STK10: variants seen among roughly 807,000 people sequenced by gnomAD.
STK10 encodes serine/threonine kinase 10.
Under a neutral mutation model 113.8 loss-of-function variants are expected in STK10, and 78 were observed. That is an observed-to-expected ratio of 0.69 (90% CI 0.57 to 0.83). STK10 has a LOEUF of 0.83. Among genes scored for constraint, STK10 ranks in the 40% least tolerant of loss-of-function variants. STK10 has a pLI of 0.00. For missense variants in STK10, 1,109 were observed against 1,280.1 expected, an observed-to-expected ratio of 0.87 and a Z score of 2.04; for synonymous variants, 465 against 494.7, an observed-to-expected ratio of 0.94 and a Z score of 0.80.
At chr5:172,161,849 C>T (rs1470283426) in intron 1 of STK10, among the ~76,000 whole-genome samples, 1 of 152,152 alleles carries the variant, frequency 6.6e-6, no homozygotes, top group Non-Finnish European at 1.5e-5. Context: ...GGTGTGCACA[C>T]TCTTGGTGGC....
intron 9 of STK10, among the ~76,000 whole-genome samples, chr5:172,090,678 T>G (rs912623780): frequency 6.6e-6 from 1 of 152,052 alleles, no homozygotes; most frequent in South Asian, 2.1e-4. Flanking sequence ...GGCTTACGCT[T>G]GTAATCCCAG....
intron 3 of STK10, among the ~76,000 whole-genome samples, chr5:172,118,010 CAAA>C (rs57672334): frequency 5.7e-5 from 4 of 69,816 alleles, no homozygotes; most frequent in Admixed American, 1.7e-4. Context: ...TACTCCATCT[CAAA>C]AAAAAAAAAA....
chr5:172,072,099 C>A (rs1025236569), intron 12 of STK10, among the ~76,000 whole-genome samples: 1 of 151,976 alleles, frequency 6.6e-6, no homozygotes, highest in Non-Finnish European at 1.5e-5. Context: ...AAAGCTGATG[C>A]AATATTTTAA....
intron 2 of STK10, among the ~76,000 whole-genome samples, chr5:172,142,189 T>C (rs872305): frequency 0.53 from 79,834 of 151,926 alleles, 21,836 homozygotes; most frequent in African/African-American, 0.69. Context: ...TATTTGCCTT[T>C]TTGGCCCAGT....
rs1377656193 is a variant in STK10, at chr5:172,185,517, T to A, written c.156+2370A>T. Reference sequence around the variant, plus strand: ...TTCCTGACCTCATGATCTGCCTGCTTCAGCCTCCCAAAGTGCTAGGATTAC... The same window carrying A: ...TTCCTGACCTCATGATCTGCCTGCTACAGCCTCCCAAAGTGCTAGGATTAC... On this transcript the variant is annotated intron_variant, in intron 1 of 18. Coordinates refer to ENST00000176763, the MANE Select transcript of STK10 (RefSeq NM_005990.4). 3.9e-5 allele frequency among the ~76,000 whole-genome samples: 6 copies of A among 152,170 alleles called. No individual in the cohort carries two copies. In the East Asian group the frequency reaches 1.2e-3, roughly 29 times the overall value.
chr5:172,106,751 G>A lies in STK10; in HGVS notation c.657C>T (p.Asp219=), dbSNP rs776360082. 18 of 1,614,212 alleles carry A rather than the reference G, an allele frequency of 1.1e-5. No homozygotes were observed. In the Admixed American group the frequency reaches 2.8e-4, roughly 25 times the overall value. ...TCAGCGTGATGCCCAGGGACCAGAT[G>A]TCGGCTTTGTAGTCGTAGGGCGTGT... ...MKDTPYDYKA[D]IWSLGITLIE... The change falls in exon 6 of 19, where the codon GAC becomes GAT. Residue 219 remains aspartate (D), a synonymous_variant. Coordinates refer to ENST00000176763, the MANE Select transcript of STK10 (RefSeq NM_005990.4).
chr5:172,178,974 T>G (rs916742730), intron 1 of STK10, among the ~76,000 whole-genome samples: 1 of 151,902 alleles, frequency 6.6e-6, no homozygotes, highest in Non-Finnish European at 1.5e-5. Flanking sequence ...ACGTAACAGC[T>G]CCATAACAAA....
chr5:172,098,115 G>T (rs777008954), intron 7 of STK10, among the ~76,000 whole-genome samples: 1 of 152,216 alleles, frequency 6.6e-6, no homozygotes, highest in Non-Finnish European at 1.5e-5. Context: ...CGGGGAGGAA[G>T]TGTCAACAAG....
At position 172,070,664 on chromosome 5, in the gene STK10, A is replaced by G. The variant is rs546428241; in HGVS notation, c.1990-5852T>C. 4.6e-5 allele frequency among the ~76,000 whole-genome samples: 7 copies of G among 152,272 alleles called. No individual in the cohort carries two copies. In the South Asian group the frequency reaches 8.3e-4, roughly 18 times the overall value. Reference sequence around the variant, plus strand: ...AATAACATTGAAAAGAGAAAAATCAATGAAACCAAAAGCTGGTTCTTTGAT... The same window carrying G: ...AATAACATTGAAAAGAGAAAAATCAGTGAAACCAAAAGCTGGTTCTTTGAT... On this transcript the variant is annotated intron_variant, in intron 12 of 18. Coordinates refer to ENST00000176763, the MANE Select transcript of STK10 (RefSeq NM_005990.4).
intron 17 of STK10, 145 bp from the exon 18 acceptor site, chr5:172,053,187 T>G: frequency 1.5e-6 from 1 of 647,752 alleles, no homozygotes; most frequent in Admixed American, 2.8e-5. Flanking sequence ...TTATTCAAAC[T>G]CTATACGTAA....
intron 2 of STK10, 142 bp downstream of exon 2, chr5:172,156,482 G>T: frequency 9.2e-7 from 1 of 1,083,488 alleles, no homozygotes; most frequent in Non-Finnish European, 1.3e-6. Context: ...GTGGCCAGGA[G>T]CTCCCTACTT....
chr5:172,158,508 T>A (rs1770400113), intron 1 of STK10, among the ~76,000 whole-genome samples: 1 of 151,952 alleles, frequency 6.6e-6, no homozygotes, highest in South Asian at 2.1e-4. Context: ...GCGCCTGTAA[T>A]CCCAGCTACT....
rs368363377 is a variant in STK10 at position 172,127,439 on chromosome 5, C to T, written c.322-18G>A. ...ATCATGATCTGCAGAAAACACAGGG[C>T]AAAGTGACAATGAGTGGGGCTGCCC... is the stretch of plus-strand genomic sequence containing the variant. On this transcript the variant is annotated intron_variant, in intron 2 of 18. Coordinates refer to ENST00000176763, the MANE Select transcript of STK10 (RefSeq NM_005990.4). The T allele has an allele frequency of 6.2e-7, 1 of 1,613,144 alleles. No homozygotes were observed. Among genetic ancestry groups the T allele is most frequent in the Non-Finnish European group, 8.5e-7 (1 of 1,179,500 alleles).
At chr5:172,108,476 T>C (rs113128539) in intron 4 of STK10, among the ~76,000 whole-genome samples, 2,360 of 151,694 alleles carry the variant, frequency 0.016, 62 homozygotes, top group African/African-American at 0.054. Flanking sequence ...ATTAGCCAGG[T>C]GTGGTGGTGG....
chr5:172,086,866 C>A (rs1286359604), intron 10 of STK10, among the ~76,000 whole-genome samples: 1 of 152,206 alleles, frequency 6.6e-6, no homozygotes, highest in Non-Finnish European at 1.5e-5. Context: ...AGCTGCTCTG[C>A]TCAGGAGGAG....
Position 172,112,670 on chromosome 5 carries a change from C to T in STK10, c.520+4811G>A, listed in dbSNP as rs960408085. Among the ~76,000 whole-genome samples, 13 of 151,590 alleles carry T rather than the reference C, an allele frequency of 8.6e-5. 1 individual carries two copies. The highest frequency in any genetic ancestry group is 1.0e-4 in the Non-Finnish European group (7 of 67,914). On this transcript the variant is annotated intron_variant, in intron 4 of 18. Transcript: ENST00000176763. ...TCCTGACCTCATGATCCGCCCACCTCGGCCTCCCAAAGTGCTGGGATTACA... is the reference window on the plus strand; with the variant it reads ...TCCTGACCTCATGATCCGCCCACCTTGGCCTCCCAAAGTGCTGGGATTACA...
chr5:172,099,182 T>C (rs1003313376), intron 7 of STK10, among the ~76,000 whole-genome samples: 6 of 151,886 alleles, frequency 4.0e-5, no homozygotes, highest in Admixed American at 3.3e-4. Flanking sequence ...ATCATCACCA[T>C]CACCATGACC....
In STK10 at chr5:172,061,117, G is replaced by A. The variant is rs745412620; in HGVS notation, c.2212+22C>T. The A allele has an allele frequency of 1.1e-5, 18 of 1,595,444 alleles. No homozygotes were observed. In the Admixed American group the frequency reaches 1.2e-4, roughly 11 times the overall value. ...CACAGCGACTCTGGGCCAAGACAGC[G>A]CTGCCACTTGCACACCCCCACCTCG... On this transcript the variant is annotated intron_variant, in intron 14 of 18. Coordinates refer to ENST00000176763, the MANE Select transcript of STK10 (RefSeq NM_005990.4).
Position 172,187,424 on chromosome 5 carries a change from A to G in STK10, c.156+463T>C, listed in dbSNP as rs1209170667. 6.8e-6 allele frequency among the ~76,000 whole-genome samples: 1 copy of G among 146,894 alleles called. No individual in the cohort carries two copies. Among genetic ancestry groups the G allele is most frequent in the African/African-American group, 2.5e-5 (1 of 39,512 alleles). ...TCTTCAGATGTGTCCCTAGCTCCCAACCCGTCCAAGCGCAGCCGAGTTTCT... is the reference window on the plus strand; with the variant it reads ...TCTTCAGATGTGTCCCTAGCTCCCAGCCCGTCCAAGCGCAGCCGAGTTTCT... On this transcript the variant is annotated intron_variant, in intron 1 of 18. Coordinates refer to ENST00000176763, the MANE Select transcript of STK10 (RefSeq NM_005990.4). This position sits in a 1 kb window ranked among gnomAD's most constrained non-coding sequence, Gnocchi z 4.6.
Sources: allele counts gnomAD v4.1 joint callset (sites outside exome capture counted in the v4.1 genomes callset), GRCh38; gene constraint gnomAD v4.1.1; non-coding constraint Gnocchi (gnomAD v3.1); transcripts MANE v1.5; gene names NCBI Gene and HGNC (gene_info 2026-07-23, HGNC 2026-07-21).